ARL13B: variants seen among roughly 807,000 people sequenced by gnomAD.
ARL13B encodes the protein ADP-ribosylation factor-like protein 13B.
In ARL13B, 36 loss-of-function variants were observed where a neutral mutation model predicts 56.1. The ratio of observed to expected loss-of-function variants is 0.64; its 90% CI spans 0.49 to 0.85. ARL13B has a LOEUF of 0.85. ARL13B is among the 40% of genes least tolerant of loss of function. ARL13B has a pLI of 0.00. For missense variants in ARL13B, 519 were observed against 507.1 expected, an observed-to-expected ratio of 1.02 and a Z score of -0.23; for synonymous variants, 178 against 171.1, an observed-to-expected ratio of 1.04 and a Z score of -0.32.
Position 94,053,586 on chromosome 3 carries a change from C to T in ARL13B, c.*323C>T, listed in dbSNP as rs1231819810. 1 of 507,018 alleles carries T rather than the reference C, an allele frequency of 2.0e-6. No individual in the cohort carries two copies. The highest frequency in any genetic ancestry group is 1.9e-5 in the African/African-American group (1 of 52,168). 31.4% of individuals were successfully genotyped at this position (507,018 alleles called of 1,614,324 possible). On this transcript the variant is annotated 3_prime_UTR_variant, in exon 10 of 10. Coordinates refer to ENST00000394222, the MANE Select transcript of ARL13B (RefSeq NM_001174150.2). ...AAACTTTACAAAAAGAGCCAATGGA[C>T]TCAGCACTTTCTTTACTATTTGTTC...
At chr3:94,002,332 GCTGAGATTTCAGGC>G (rs2076068648) in intron 2 of ARL13B, among the ~76,000 whole-genome samples, 1 of 152,024 alleles carries the variant, frequency 6.6e-6, no homozygotes, top group Non-Finnish European at 1.5e-5. Context: ...CTACCAAAGT[GCTGAGATTTCAGGC>G]CTGAGCCACT....
intron 2 of ARL13B, among the ~76,000 whole-genome samples, chr3:93,996,294 A>G (rs1014388938): frequency 6.6e-6 from 1 of 152,190 alleles, no homozygotes; most frequent in African/African-American, 2.4e-5. Flanking sequence ...TCCTGGCCAG[A>G]AGTTAGTCAC....
At chr3:94,041,470 T>C (rs1161801384) in intron 6 of ARL13B, among the ~76,000 whole-genome samples, 1 of 152,188 alleles carries the variant, frequency 6.6e-6, no homozygotes, top group Non-Finnish European at 1.5e-5. Flanking sequence ...TATAGATAAG[T>C]CTTTATATGT....
chr3:94,014,102 C>T (rs1297989694), intron 3 of ARL13B, among the ~76,000 whole-genome samples: 1 of 152,116 alleles, frequency 6.6e-6, no homozygotes, highest in African/African-American at 2.4e-5. Flanking sequence ...GAGCTTGATA[C>T]CTGACCAGAA....
At chr3:93,995,784 A>C in intron 1 of ARL13B, 90 bp from the exon 2 acceptor site, 1 of 1,196,474 alleles carries the variant, frequency 8.4e-7, no homozygotes, top group Non-Finnish European at 1.2e-6. Flanking sequence ...GGTGCTCCTT[A>C]AATGTTGATT....
At chr3:94,011,128 T>G (rs1468834986) in intron 3 of ARL13B, among the ~76,000 whole-genome samples, 1 of 152,134 alleles carries the variant, frequency 6.6e-6, no homozygotes, top group East Asian at 1.9e-4. Flanking sequence ...AAATTAAAAA[T>G]TATTTTGTAT....
chr3:94,000,594 A>T (rs773637758), intron 2 of ARL13B, among the ~76,000 whole-genome samples: 5 of 151,536 alleles, frequency 3.3e-5, no homozygotes, highest in Non-Finnish European at 5.9e-5. Context: ...ATATATATTT[A>T]TGTTTCATAT....
Position 94,054,627 on chromosome 3 carries a change from A to G in ARL13B, c.*1364A>G, listed in dbSNP as rs2077115995. ...TTAAGTACATTTTATGTCGTTTAAT[A>G]TAATTATTTACTTTAAAAATTGTAC... On this transcript the variant is annotated 3_prime_UTR_variant, in exon 10 of 10. Transcript: ENST00000394222. 2 of 374,882 alleles carry G rather than the reference A, an allele frequency of 5.3e-6. No individual in the cohort carries two copies. Among genetic ancestry groups the G allele is most frequent in the Non-Finnish European group, 1.0e-5 (2 of 193,436 alleles). The allele number at this position is 374,882 out of a possible 1,614,324, so 23.2% of individuals were successfully genotyped here. A position where few individuals can be genotyped will look rare whatever the true frequency, so the allele number is the denominator to read the frequency against.
intron 1 of ARL13B, among the ~76,000 whole-genome samples, chr3:93,982,040 G>A (rs914255216): frequency 9.2e-5 from 14 of 152,142 alleles, no homozygotes; most frequent in African/African-American, 3.4e-4. Context: ...TTTAAGAAAT[G>A]TATTTGGTTT....
rs2076891390 is a variant in ARL13B at position 94,043,102 on chromosome 3, G to A, written c.886G>A (p.Glu296Lys). ...GCHLKHKMEHEQIETQGQVNH... is the reference protein window; with the variant it reads ...GCHLKHKMEHKQIETQGQVNH... The stretch of plus-strand genomic sequence containing the variant: ...CCACCTGAAACATAAAATGGAGCAT[G>A]AGCAAATAGAGACACAAGGCCAGGT... The change falls in exon 7 of 10, where the codon GAG (glutamate) becomes AAG (lysine). Residue 296 changes from glutamate (E) to lysine (K), a missense_variant. By Grantham distance (56) the Glu-to-Lys change is moderately conservative (BLOSUM62 1). Coordinates refer to ENST00000394222, the MANE Select transcript of ARL13B (RefSeq NM_001174150.2). 6.2e-7 allele frequency: 1 copy of A among 1,613,574 alleles called. No individual in the cohort carries two copies. The highest frequency in any genetic ancestry group is 1.3e-5 in the African/African-American group (1 of 74,884).
At chr3:94,000,463 C>T (rs139668586) in intron 2 of ARL13B, among the ~76,000 whole-genome samples, 28 of 151,474 alleles carry the variant, frequency 1.8e-4, no homozygotes, top group African/African-American at 6.3e-4. Flanking sequence ...ATTTTTGGTG[C>T]GAAAATTCTT....
intron 3 of ARL13B, among the ~76,000 whole-genome samples, chr3:94,034,306 G>A (rs1051201730): frequency 6.6e-6 from 1 of 151,972 alleles, no homozygotes; most frequent in African/African-American, 2.4e-5. Flanking sequence ...GGAAGGGTTC[G>A]TTAGATTTCT....
intron 2 of ARL13B, among the ~76,000 whole-genome samples, chr3:94,003,289 A>G (rs1205919866): frequency 1.3e-5 from 2 of 152,124 alleles, no homozygotes; most frequent in African/African-American, 4.8e-5. Flanking sequence ...ATAACTCCAC[A>G]GATGTTTTAA....
intron 3 of ARL13B, among the ~76,000 whole-genome samples, chr3:94,008,829 G>A (rs2076174867): frequency 6.6e-6 from 1 of 152,046 alleles, no homozygotes; most frequent in Admixed American, 6.6e-5. Context: ...ACTGGAAGGT[G>A]CCACTTTTCT....
intron 6 of ARL13B, among the ~76,000 whole-genome samples, 156 bp downstream of exon 6, chr3:94,040,144 T>C (rs2076838037): frequency 6.6e-6 from 1 of 152,168 alleles, no homozygotes; most frequent in East Asian, 1.9e-4. Flanking sequence ...TGATTAAAGG[T>C]TTACTGCTTT....
intron 3 of ARL13B, among the ~76,000 whole-genome samples, chr3:94,005,968 A>G (rs1442286955): frequency 1.3e-5 from 2 of 152,156 alleles, no homozygotes; most frequent in Admixed American, 6.5e-5. Flanking sequence ...ATGCATGTAT[A>G]TTTATGAGAC....
intron 3 of ARL13B, among the ~76,000 whole-genome samples, chr3:94,005,201 T>C (rs114491739): frequency 1.2e-3 from 176 of 152,184 alleles, no homozygotes; most frequent in African/African-American, 4.1e-3. Context: ...ATAACAAAAA[T>C]CCAAGTTAGA....
chr3:93,993,336 G>C (rs978181909), intron 1 of ARL13B, among the ~76,000 whole-genome samples: 16 of 151,684 alleles, frequency 1.1e-4, no homozygotes, highest in Admixed American at 9.9e-4. Context: ...ATGTTTCTCA[G>C]GCTGGTCTCG....
At chr3:94,043,972 G>T (rs1268855381) in intron 7 of ARL13B, among the ~76,000 whole-genome samples, 1 of 151,850 alleles carries the variant, frequency 6.6e-6, no homozygotes, top group East Asian at 2.0e-4. Context: ...ATGTTGCTCA[G>T]GCTGGAGTGC....
Sources: gnomAD v4.1 joint callset for allele counts (sites outside exome capture counted in the v4.1 genomes callset) on GRCh38, gnomAD v4.1.1 for gene constraint, MANE v1.5 for transcripts, NCBI Gene and HGNC (gene_info 2026-07-23, HGNC 2026-07-21) for gene names.